The following EDNRA variants were observed in gnomAD, a reference collection of about 807,000 sequenced individuals.
The protein encoded by EDNRA is endothelin receptor type A.
Under a neutral mutation model 41.4 loss-of-function variants are expected in EDNRA, and 11 were observed. The observed-to-expected ratio is 0.27, with a 90% CI of 0.17 to 0.44. The LOEUF is 0.44. EDNRA is among the 20% of genes least tolerant of loss of function. The pLI is 1.00. For missense variants in EDNRA, 294 were observed against 531.0 expected (o/e 0.55, Z 4.39); for synonymous variants, 172 against 183.0 (o/e 0.94, Z 0.49).
At chr4:147,488,449 A>G (rs921901116) in intron 2 of EDNRA, 1 of 152,262 alleles carries the variant, frequency 6.6e-6, no homozygotes, top group Non-Finnish European at 1.5e-5. Flanking sequence ...AATACTTTGT[A>G]TACCTTACTG....
rs774268078 is a variant in EDNRA at position 147,485,836 on chromosome 4, A to G, written c.155A>G (p.His52Arg). The change falls in exon 2 of 8, where the codon CAT becomes CGT. Residue 52 changes from histidine (H) to arginine (R), a missense_variant. Physicochemically the swap from His to Arg is conservative, Grantham distance 29. Coordinates refer to ENST00000651419, the MANE Select transcript of EDNRA (RefSeq NM_001957.4). Reference sequence around the variant, plus strand: ...GAGCTCAGCTTCCTGGTTACCACTCATCAACCCACTAATTTGGTCCTACCC... The same window carrying G: ...GAGCTCAGCTTCCTGGTTACCACTCGTCAACCCACTAATTTGGTCCTACCC... ...GTELSFLVTT[H>R]QPTNLVLPSN... The G allele has an allele frequency of 6.2e-7, 1 of 1,614,260 alleles. No homozygotes were observed. Among genetic ancestry groups the G allele is most frequent in the Admixed American group, 1.7e-5 (1 of 60,034 alleles).
Position 147,494,187 on chromosome 4 carries a change from A to G in EDNRA, c.420+8086A>G, listed in dbSNP as rs190289804. ...CAGTAATATAAGGTATTTATTCTCT[A>G]GCTGCTCTTCATTTATTCAATAAAG... On this transcript the variant is annotated intron_variant, in intron 2 of 7. Coordinates refer to ENST00000651419, the MANE Select transcript of EDNRA (RefSeq NM_001957.4). The G allele has an allele frequency of 3.7e-4, 57 of 152,322 alleles. No homozygotes were observed. In the East Asian group the frequency reaches 8.5e-3, roughly 23 times the overall value. The allele number at this position is 152,322 out of a possible 1,614,324, so 9.4% of individuals were successfully genotyped here. A position where few individuals can be genotyped will look rare whatever the true frequency, so the allele number is the denominator to read the frequency against.
chr4:147,502,632 A>G (rs926162037), intron 2 of EDNRA, among the ~76,000 whole-genome samples: 5 of 152,122 alleles, frequency 3.3e-5, no homozygotes, highest in African/African-American at 9.7e-5. Context: ...TCCAACTCCC[A>G]TTTTTTGACA....
At chr4:147,492,372 A>G (rs1218349151) in intron 2 of EDNRA, 1 of 152,246 alleles carries the variant, frequency 6.6e-6, no homozygotes, top group Non-Finnish European at 1.5e-5. Context: ...ATCTACAAGC[A>G]GACCTGCTTA....
intron 1 of EDNRA, among the ~76,000 whole-genome samples, chr4:147,482,318 T>C (rs890772066): frequency 6.6e-6 from 1 of 152,222 alleles, no homozygotes; most frequent in Non-Finnish European, 1.5e-5. Flanking sequence ...ATATGTTAAA[T>C]GGTTAAAGTG....
rs202195925 is a variant in EDNRA, at chr4:147,542,608, G to C, written c.1274G>C (p.Ser425Thr). 3.7e-6 allele frequency: 6 copies of C among 1,613,966 alleles called. No individual in the cohort carries two copies. The highest frequency in any genetic ancestry group is 4.2e-6 in the Non-Finnish European group (5 of 1,179,974). The change falls in exon 8 of 8, where the codon AGC becomes ACC. Residue 425 changes from serine to threonine, a missense_variant. By Grantham distance (58) the Ser-to-Thr change is moderately conservative. Coordinates refer to ENST00000651419, the MANE Select transcript of EDNRA (RefSeq NM_001957.4). The stretch of plus-strand genomic sequence containing the variant: ...ACAGACCGGAGCAGCCATAAGGACA[G>C]CATGAACTGACCACCCTTAGAAGCA... ...HNTDRSSHKD[S>T]MN
intron 1 of EDNRA, among the ~76,000 whole-genome samples, chr4:147,483,774 C>A (rs917298946): frequency 1.3e-5 from 2 of 149,592 alleles, no homozygotes; most frequent in Non-Finnish European, 3.0e-5. Context: ...GGATGGAGTG[C>A]AGTGACTCGA....
In EDNRA at chr4:147,486,791, G is replaced by C. The variant is rs1728961448; in HGVS notation, c.420+690G>C. On this transcript the variant is annotated intron_variant, in intron 2 of 7. Transcript: ENST00000651419. This position sits in a 1 kb window ranked among gnomAD's most constrained non-coding sequence, Gnocchi z 4.3. ...GCACCCACTGTGTGCCCACCCCTGA[G>C]CTAGGCAGTAAGGAACCAAAAAGAA... Among the ~76,000 whole-genome samples the C allele has an allele frequency of 6.6e-6, 1 of 151,936 alleles. No homozygotes were observed. Among genetic ancestry groups the C allele is most frequent in the Admixed American group, 6.6e-5 (1 of 15,248 alleles).
chr4:147,536,450 T>C (rs1730925445), intron 5 of EDNRA, among the ~76,000 whole-genome samples: 1 of 152,182 alleles, frequency 6.6e-6, no homozygotes, highest in Non-Finnish European at 1.5e-5. Flanking sequence ...AAAAGTAGCC[T>C]GTGCTATGGA....
chr4:147,482,864 G>A (rs10305858), intron 1 of EDNRA, among the ~76,000 whole-genome samples: 15 of 152,158 alleles, frequency 9.9e-5, no homozygotes, highest in Admixed American at 1.3e-4. Flanking sequence ...AGTACCCACC[G>A]TAGCCAGGTC....
intron 2 of EDNRA, among the ~76,000 whole-genome samples, chr4:147,515,201 G>C (rs1337188038): frequency 6.6e-6 from 1 of 152,204 alleles, no homozygotes; most frequent in Non-Finnish European, 1.5e-5. Flanking sequence ...CTCAGCACCA[G>C]TGATATTTGG....
At chr4:147,488,728 G>A (rs1729028815) in intron 2 of EDNRA, 2 of 152,202 alleles carry the variant, frequency 1.3e-5, no homozygotes, top group Non-Finnish European at 2.9e-5. Context: ...TCTTCTCTAG[G>A]TCATGAGATC....
At chr4:147,516,758 T>C (rs1173665753) in intron 2 of EDNRA, among the ~76,000 whole-genome samples, 3 of 152,246 alleles carry the variant, frequency 2.0e-5, no homozygotes, top group Admixed American at 2.0e-4. Context: ...GAATTGACAG[T>C]TGCTTGTTAA....
Position 147,541,294 on chromosome 4 carries a change from T to C in EDNRA, c.1143+809T>C, listed in dbSNP as rs539575203. ...CCTGTCTTATTGATGTGTAATTTTC[T>C]GGTTCCTGAAATCATTTTAGCATAG... is the stretch of plus-strand genomic sequence containing the variant. On this transcript the variant is annotated intron_variant, in intron 7 of 7. Transcript: ENST00000651419. 3.3e-4 allele frequency among the ~76,000 whole-genome samples: 51 copies of C among 152,344 alleles called. No individual in the cohort carries two copies. The South Asian group carries it at 0.011, about 32-fold the overall frequency.
At chr4:147,495,388 G>A (rs537115427) in intron 2 of EDNRA, 6 of 152,172 alleles carry the variant, frequency 3.9e-5, no homozygotes, top group Non-Finnish European at 8.8e-5. Context: ...AAATCTAACA[G>A]CTTCATTAGT....
chr4:147,499,764 T>C (rs192674202), intron 2 of EDNRA, among the ~76,000 whole-genome samples: 3 of 151,044 alleles, frequency 2.0e-5, no homozygotes, highest in African/African-American at 7.3e-5. Flanking sequence ...TTTAGAGAAA[T>C]TTCATATGAA....
rs1270286373 is a variant in EDNRA, at chr4:147,539,805, ACTTTC to A, written c.901-7_901-3del. 1.9e-6 allele frequency: 3 copies of A among 1,599,930 alleles called. No homozygotes were observed. Among genetic ancestry groups the A allele is most frequent in the Non-Finnish European group, 1.7e-6 (2 of 1,176,624 alleles). On this transcript the variant is annotated splice_region_variant and splice_polypyrimidine_tract_variant and intron_variant, in intron 5 of 7. Coordinates refer to ENST00000651419, the MANE Select transcript of EDNRA (RefSeq NM_001957.4). ...AAATTTGTTGTCCTATTTTTTTCTC[ACTTTC>A]CTTTAGCGTCGAGAAGTGGCAAAAA...
At chr4:147,500,313 GGATAA>G (rs1236367920) in intron 2 of EDNRA, among the ~76,000 whole-genome samples, 3 of 152,154 alleles carry the variant, frequency 2.0e-5, no homozygotes, top group Admixed American at 2.0e-4. Context: ...GGAAAGTGGG[GGATAA>G]GATAAGAAAT....
chr4:147,483,792 T>A (rs1728853993), intron 1 of EDNRA, among the ~76,000 whole-genome samples: 1 of 151,580 alleles, frequency 6.6e-6, no homozygotes. Context: ...CGATCATAGC[T>A]CCCTGCAGCC....
Sources: allele counts gnomAD v4.1 joint callset (sites outside exome capture counted in the v4.1 genomes callset), GRCh38; gene constraint gnomAD v4.1.1; non-coding constraint Gnocchi (gnomAD v3.1); transcripts MANE v1.5; gene names NCBI Gene and HGNC (gene_info 2026-07-23, HGNC 2026-07-21).